The following WWC2 variants were observed in gnomAD, a reference collection of about 807,000 sequenced individuals.
WWC2 encodes the protein protein WWC2.
Under a neutral mutation model 138.5 loss-of-function variants are expected in WWC2, and 101 were observed. The ratio of observed to expected loss-of-function variants is 0.73; its 90% CI spans 0.62 to 0.86. The LOEUF (loss-of-function observed/expected upper bound fraction) is 0.86, where lower values mean the gene tolerates loss of function less well. WWC2 is among the 40% of genes least tolerant of loss of function. The pLI is 0.00. For synonymous variants in WWC2, 558 were observed against 538.4 expected, an observed-to-expected ratio of 1.04 and a Z score of -0.50; for missense variants, 1,420 against 1,419.4, an observed-to-expected ratio of 1.00 and a Z score of -0.01.
intron 21 of WWC2, among the ~76,000 whole-genome samples, chr4:183,301,974 T>C (rs1738855664): frequency 6.6e-6 from 1 of 152,246 alleles, no homozygotes; most frequent in Admixed American, 6.5e-5. Context: ...TTAATTCTAA[T>C]AGTATGTGAT....
chr4:183,306,575 T>A (rs1328856311), intron 21 of WWC2, among the ~76,000 whole-genome samples: 1 of 149,890 alleles, frequency 6.7e-6, no homozygotes, highest in Non-Finnish European at 1.5e-5. Flanking sequence ...GGGTAACAAT[T>A]TTTTTTTTTT....
In WWC2 at chr4:183,284,370, C is replaced by A; in HGVS notation, c.3028C>A (p.Arg1010=). The A allele has an allele frequency of 2.5e-6, 4 of 1,612,844 alleles. No homozygotes were observed. Among genetic ancestry groups the A allele is most frequent in the Non-Finnish European group, 3.4e-6 (4 of 1,179,798 alleles). Residue 1010 remains arginine (R), a synonymous_variant, in exon 19 of 23, where the codon CGG becomes AGG. Transcript: ENST00000403733. ...VRSQTFSPGE[R]NQYICRLNRS... ...CTCACAGACCTTTTCTCCAGGAGAG[C>A]GGAACCAGTACATCTGCAGGGTAAG...
chr4:183,234,344 C>T (rs968218641), intron 4 of WWC2, among the ~76,000 whole-genome samples: 4 of 152,126 alleles, frequency 2.6e-5, no homozygotes, highest in African/African-American at 4.8e-5. Context: ...TTTGGCTCCA[C>T]AGAAATAAAA....
chr4:183,185,880 A>G (rs372415642), intron 1 of WWC2, among the ~76,000 whole-genome samples: 15 of 152,060 alleles, frequency 9.9e-5, no homozygotes, highest in Admixed American at 6.6e-5. Context: ...TACATGATAA[A>G]CATTCAGTAA....
chr4:183,261,634 C>T, intron 11 of WWC2, 102 bp downstream of exon 11: 2 of 1,330,986 alleles, frequency 1.5e-6, no homozygotes, highest in Non-Finnish European at 2.0e-6. Flanking sequence ...GATTCCCCTT[C>T]TCTTTCTTTT....
intron 1 of WWC2, among the ~76,000 whole-genome samples, chr4:183,140,032 G>T (rs1247563007): frequency 6.6e-6 from 1 of 152,156 alleles, no homozygotes; most frequent in Non-Finnish European, 1.5e-5. Context: ...AGCTGGTCTC[G>T]AACTCCTGAC....
chr4:183,229,857 G>C (rs1202529547), intron 4 of WWC2, among the ~76,000 whole-genome samples: 1 of 151,984 alleles, frequency 6.6e-6, no homozygotes, highest in Non-Finnish European at 1.5e-5. Context: ...ACAGAGTCTC[G>C]CTCTTTCGCC....
At chr4:183,312,671 C>G (rs1005034551) in intron 22 of WWC2, among the ~76,000 whole-genome samples, 5 of 152,188 alleles carry the variant, frequency 3.3e-5, no homozygotes, top group African/African-American at 1.2e-4. Context: ...GCCTAACTCC[C>G]CACAAGAACC....
At chr4:183,246,148 C>A (rs1560863734) in intron 6 of WWC2, among the ~76,000 whole-genome samples, 1 of 152,170 alleles carries the variant, frequency 6.6e-6, no homozygotes, top group Non-Finnish European at 1.5e-5. Context: ...TCCCAGTGAT[C>A]CAGCATCATG....
chr4:183,137,544 G>C (rs970335930), intron 1 of WWC2, among the ~76,000 whole-genome samples: 14 of 151,986 alleles, frequency 9.2e-5, no homozygotes, highest in African/African-American at 2.7e-4. Flanking sequence ...TGTTGCCCAG[G>C]CTGGAGTGCA....
chr4:183,292,976 G>A (rs1283824603), intron 21 of WWC2, among the ~76,000 whole-genome samples: 18 of 152,240 alleles, frequency 1.2e-4, no homozygotes, highest in Admixed American at 1.2e-3. Flanking sequence ...TTTTGAGACA[G>A]TGTTTCTTTC....
At chr4:183,278,117 C>T (rs1161931524) in intron 16 of WWC2, among the ~76,000 whole-genome samples, 7 of 152,190 alleles carry the variant, frequency 4.6e-5, no homozygotes, top group Non-Finnish European at 1.0e-4. Context: ...TTAGGTCTAA[C>T]ATTTAAGTCT....
At chr4:183,108,276 G>T (rs1015958148) in intron 1 of WWC2, among the ~76,000 whole-genome samples, 3 of 152,118 alleles carry the variant, frequency 2.0e-5, no homozygotes, top group Non-Finnish European at 4.4e-5. Flanking sequence ...AGGGCACTAA[G>T]TCCTGCTGAT....
rs1246508245 is a variant in WWC2, at chr4:183,155,188, A to AGG, written c.132-38410_132-38409dup. Among the ~76,000 whole-genome samples, 103 of 91,218 alleles carry AGG rather than the reference A, an allele frequency of 1.1e-3. 1 individual carries two copies. Among genetic ancestry groups the AGG allele is most frequent in the African/African-American group, 4.5e-3 (89 of 19,566 alleles). 59.8% of individuals were successfully genotyped at this position (91,218 alleles called of 152,430 possible). A position where few individuals can be genotyped will look rare whatever the true frequency, so the allele number is the denominator to read the frequency against. The stretch of plus-strand genomic sequence containing the variant: ...CAAGTTCTAATGACTTCATCTTCTG[A>AGG]GGAGAGAGAGAGAGAGAGAGAGAGA... On this transcript the variant is annotated intron_variant, in intron 1 of 22. Coordinates refer to ENST00000403733, the MANE Select transcript of WWC2 (RefSeq NM_024949.6).
rs367975871 is a variant in WWC2, at chr4:183,247,515, C to CTATTTATACTATATATACACTATA, written c.733-1196_733-1195insTTATACTATATATACACTATATAT. Among the ~76,000 whole-genome samples, 2 of 141,844 alleles carry CTATTTATACTATATATACACTATA rather than the reference C, an allele frequency of 1.4e-5. 1 individual carries two copies. The highest frequency in any genetic ancestry group is 5.3e-5 in the African/African-American group (2 of 37,466). 93.1% of individuals were successfully genotyped at this position (141,844 alleles called of 152,430 possible). A position where few individuals can be genotyped will look rare whatever the true frequency, so the allele number is the denominator to read the frequency against. The stretch of plus-strand genomic sequence containing the variant: ...ATATACTATTTATACTATATATACA[C>CTATTTATACTATATATACACTATA]TATACTATATATATACTATATATAC... On this transcript the variant is annotated intron_variant, in intron 6 of 22. Transcript: ENST00000403733.
intron 4 of WWC2, among the ~76,000 whole-genome samples, chr4:183,232,848 A>C (rs999473927): frequency 6.6e-6 from 1 of 151,958 alleles, no homozygotes; most frequent in East Asian, 1.9e-4. Flanking sequence ...GGGTTTTGCT[A>C]TGTTGGTCAG....
chr4:183,115,316 T>C (rs1374411462), intron 1 of WWC2, among the ~76,000 whole-genome samples: 1 of 152,226 alleles, frequency 6.6e-6, no homozygotes, highest in African/African-American at 2.4e-5. Flanking sequence ...CTATTGTGAT[T>C]AGTGCTGCAG....
chr4:183,143,677 G>A (rs902507693), intron 1 of WWC2, among the ~76,000 whole-genome samples: 1 of 151,736 alleles, frequency 6.6e-6, no homozygotes. Context: ...GCATGGTGGT[G>A]TGAGCCTGTG....
At chr4:183,227,995 G>A (rs374106133) in intron 4 of WWC2, among the ~76,000 whole-genome samples, 15 of 151,898 alleles carry the variant, frequency 9.9e-5, no homozygotes, top group African/African-American at 3.6e-4. Context: ...AGTGTAATTG[G>A]ATTAAATGCT....
Sources: gnomAD v4.1 joint callset for allele counts (sites outside exome capture counted in the v4.1 genomes callset) on GRCh38, gnomAD v4.1.1 for gene constraint, MANE v1.5 for transcripts, NCBI Gene and HGNC (gene_info 2026-07-23, HGNC 2026-07-21) for gene names.